KDM5C: variants seen among roughly 807,000 people sequenced by gnomAD.
KDM5C encodes the protein lysine-specific demethylase 5C.
KDM5C carries 16 observed loss-of-function variants against 110.6 expected under a neutral mutation model. The ratio of observed to expected loss-of-function variants is 0.14; its 90% confidence interval spans 0.10 to 0.22. The LOEUF (loss-of-function observed/expected upper bound fraction) is 0.22. KDM5C is among the 10% of genes least tolerant of loss of function. KDM5C has a pLI of 1.00. For synonymous variants in KDM5C, 511 were observed against 520.4 expected (o/e 0.98, Z 0.24); for missense variants, 681 against 1,300.9 (o/e 0.52, Z 7.33).
At chrX:53,213,960 T>G (rs1406718404) in intron 8 of KDM5C, among the ~76,000 whole-genome samples, 14 of 101,756 alleles carry the variant, frequency 1.4e-4, no homozygotes, top group Admixed American at 3.1e-4. Flanking sequence ...CCAAAATGTC[T>G]TTTTTTTTTT....
At chrX:53,221,768 G>A in intron 1 of KDM5C, 4 of 975,127 alleles carry the variant, frequency 4.1e-6, no homozygotes, top group African/African-American at 2.0e-5. Context: ...GCCCCAGGGG[G>A]TGGGGGTAAG....
intron 12 of KDM5C, among the ~76,000 whole-genome samples, chrX:53,203,265 T>C (rs1301538862): frequency 6.3e-5 from 7 of 111,676 alleles, no homozygotes; most frequent in Non-Finnish European, 1.9e-5. Context: ...CTCTCGAGCT[T>C]ATAGGATTCT....
downstream of KDM5C, chrX:53,191,552 A>T (rs1302978544): frequency 1.2e-5 from 2 of 173,523 alleles, no homozygotes; most frequent in Non-Finnish European, 2.2e-5. Flanking sequence ...AAGCTGTCTT[A>T]AAAAAGTGAA....
chrX:53,221,463 T>C (rs181238546), intron 1 of KDM5C, among the ~76,000 whole-genome samples: 55 of 112,104 alleles, frequency 4.9e-4, no homozygotes, highest in African/African-American at 1.7e-3. Context: ...ATATGGAAAA[T>C]TAAAACTAGT....
chrX:53,220,860 G>A lies in KDM5C; in HGVS notation c.207C>T (p.Ile69=). Residue 69 remains isoleucine, a synonymous_variant, in exon 2 of 26, where the codon ATC becomes ATT. Transcript: ENST00000375401. The part of the protein sequence containing the change: ...EVDNFRFTPR[I]QRLNELEAQT... ...TCACCTCTAGCTCATTCAGCCTCTG[G>A]ATTCGGGGGGTAAACCTGAAGTTGT... 8.3e-7 allele frequency: 1 copy of A among 1,210,674 alleles called. No homozygotes were observed. The highest frequency in any genetic ancestry group is 1.1e-6 in the Non-Finnish European group (1 of 894,775).
Position 53,224,946 on chromosome X carries a change from A to C in KDM5C, c.-57T>G. The stretch of plus-strand genomic sequence containing the variant: ...AGGCTTGGACCGCCCTTAAGGACTC[A>C]TGGCGCCGCCGCTGTTTGAAGCCGA... On this transcript the variant is annotated 5_prime_UTR_variant, in exon 1 of 26. The change abolishes an upstream ATG in the 5' untranslated region. Transcript: ENST00000375401. The C allele has an allele frequency of 8.8e-7, 1 of 1,130,081 alleles. No homozygotes were observed. The allele number at this position is 1,130,081 out of a possible 1,213,427, so 93.1% of individuals were successfully genotyped here. A position where few individuals can be genotyped will look rare whatever the true frequency, so the allele number is the denominator to read the frequency against.
At chrX:53,204,646 G>A (rs2073265157) in intron 12 of KDM5C, among the ~76,000 whole-genome samples, 1 of 111,070 alleles carries the variant, frequency 9.0e-6, no homozygotes, top group South Asian at 3.8e-4. Context: ...ACAGGCATCC[G>A]CCACCATGCC....
chrX:53,211,777 C>T lies in KDM5C; in HGVS notation c.1242+10G>A, dbSNP rs372512650. 2.5e-6 allele frequency: 3 copies of T among 1,211,463 alleles called. No homozygotes were observed. The highest frequency in any genetic ancestry group is 3.5e-5 in the African/African-American group (2 of 57,874). ...CTAGCCCAACACTACCTCAGCCCTC[C>T]ATCACCTACATGCACGGGCATGTTG... On this transcript the variant is annotated intron_variant, in intron 9 of 25. Transcript: ENST00000375401.
At position 53,192,861 on chromosome X, in the gene KDM5C, A is replaced by ACCCCCCCCCCCCCCCCCC; in HGVS notation, c.*105_*106insGGGGGGGGGGGGGGGGGG. 2.0e-6 allele frequency: 1 copy of ACCCCCCCCCCCCCCCCCC among 502,012 alleles called. No individual in the cohort carries two copies. The allele number at this position is 502,012 out of a possible 1,213,427, so 41.4% of individuals were successfully genotyped here. ...GGGTGGGCGGGTAGCAGGGATGGCC[A>ACCCCCCCCCCCCCCCCCC]CCCCCCTACCCGCCCACCCCCCAAG... On this transcript the variant is annotated 3_prime_UTR_variant, in exon 26 of 26. Transcript: ENST00000375401.
At chrX:53,194,017 G>T in intron 23 of KDM5C, 122 bp downstream of exon 23, 2 of 1,003,139 alleles carry the variant, frequency 2.0e-6, no homozygotes, top group South Asian at 2.0e-5. Context: ...ATGCAGAATG[G>T]AGTAGGAAGG....
chrX:53,217,410 C>T (rs1238153336), intron 4 of KDM5C, 133 bp from the exon 5 acceptor site: 1 of 765,271 alleles, frequency 1.3e-6, no homozygotes, highest in Non-Finnish European at 1.9e-6. Flanking sequence ...GCCCCTGTTC[C>T]ACTGGTCTTT....
rs904938578 is a variant in KDM5C at position 53,192,830 on chromosome X, A to G, written c.*137T>C. The G allele has an allele frequency of 9.0e-7, 1 of 1,111,717 alleles. No individual in the cohort carries two copies. The highest frequency in any genetic ancestry group is 1.9e-5 in the African/African-American group (1 of 51,579). 91.6% of individuals were successfully genotyped at this position (1,111,717 alleles called of 1,213,427 possible). On this transcript the variant is annotated 3_prime_UTR_variant, in exon 26 of 26. Coordinates refer to ENST00000375401, the MANE Select transcript of KDM5C (RefSeq NM_004187.5). Reference sequence around the variant, plus strand: ...GGAGTCAGAATACAAAAGTCAAGGGACTCAGGGGTGGGCGGGTAGCAGGGA... The same window carrying G: ...GGAGTCAGAATACAAAAGTCAAGGGGCTCAGGGGTGGGCGGGTAGCAGGGA...
intron 12 of KDM5C, among the ~76,000 whole-genome samples, chrX:53,209,248 T>C (rs1436001905): frequency 1.8e-5 from 2 of 111,135 alleles, no homozygotes; most frequent in African/African-American, 6.6e-5. Context: ...ACTCAAGCCC[T>C]TGATCATCAT....
At chrX:53,214,016 A>G in intron 8 of KDM5C, among the ~76,000 whole-genome samples, 1 of 109,561 alleles carries the variant, frequency 9.1e-6, no homozygotes, top group Non-Finnish European at 1.9e-5. Context: ...GTGCAGTGGC[A>G]TGATTTTGGC....
At position 53,224,788 on chromosome X, in the gene KDM5C, G is replaced by A; in HGVS notation, c.102C>T (p.Ile34=). The A allele has an allele frequency of 8.3e-7, 1 of 1,211,852 alleles. No homozygotes were observed. Among genetic ancestry groups the A allele is most frequent in the Admixed American group, 2.2e-5 (1 of 46,121 alleles). The change falls in exon 1 of 26, where the codon ATC becomes ATT. Residue 34 remains isoleucine, a synonymous_variant. Coordinates refer to ENST00000375401, the MANE Select transcript of KDM5C (RefSeq NM_004187.5). ...FRDPLGYIAK[I]RPIAEKSGIC... ...TGCCCGATTTCTCTGCGATGGGCCT[G>A]ATTTTCGCGATGTAGCCAAGAGGGT... is the stretch of plus-strand genomic sequence containing the variant.
At chrX:53,176,808 C>T (rs932189842) in intron 25 of KDM5C, among the ~76,000 whole-genome samples, 8 of 111,863 alleles carry the variant, frequency 7.2e-5, no homozygotes, top group African/African-American at 2.3e-4. Context: ...ACATACTGTA[C>T]GACTCTATGA....
At chrX:53,184,190 T>A (rs781827768) in intron 25 of KDM5C, among the ~76,000 whole-genome samples, 22 of 112,414 alleles carry the variant, frequency 2.0e-4, no homozygotes, top group Non-Finnish European at 1.1e-4. Flanking sequence ...CTGCTTTTTA[T>A]GTGTTGATCT....
At position 53,210,705 on chromosome X, in the gene KDM5C, G is replaced by A. The variant is rs1556848351; in HGVS notation, c.1554C>T (p.His518=). 4.1e-6 allele frequency: 5 copies of A among 1,211,608 alleles called. No individual in the cohort carries two copies. The highest frequency in any genetic ancestry group is 4.3e-5 in the Admixed American group (2 of 46,051). Residue 518 remains histidine, a synonymous_variant, in exon 11 of 26, where the codon CAC becomes CAT. Transcript: ENST00000375401. The part of the protein sequence containing the change: ...FSAFCWHIED[H]WSYSINYLHW... The stretch of plus-strand genomic sequence containing the variant: ...GGAGGTAGTTAATGGAGTAACTCCA[G>A]TGATCCTCAATATGCCAGCAAAAGG...
Position 53,224,743 on chromosome X carries a change from G to A in KDM5C, c.147C>T (p.Pro49=), listed in dbSNP as rs782539817. Residue 49 remains proline, a synonymous_variant, in exon 1 of 26, where the codon CCC becomes CCT. Transcript: ENST00000375401. ...GAAAACCGGCCCCGGGGCTTACCGC[G>A]GGTGGGCGGATCTTGCAAATGCCCG... The part of the protein sequence containing the change: ...EKSGICKIRP[P]ADWQPPFAVE... 8.3e-7 allele frequency: 1 copy of A among 1,210,332 alleles called. No homozygotes were observed. Among genetic ancestry groups the A allele is most frequent in the Non-Finnish European group, 1.1e-6 (1 of 895,063 alleles).
Sources: allele counts gnomAD v4.1 joint callset (sites outside exome capture counted in the v4.1 genomes callset), GRCh38; gene constraint gnomAD v4.1.1; transcripts MANE v1.5; gene names NCBI Gene and HGNC (gene_info 2026-07-23, HGNC 2026-07-21).